The following ZEB1 variants were observed in gnomAD, a reference collection of about 807,000 sequenced individuals.
ZEB1 encodes zinc finger E-box-binding homeobox 1.
In ZEB1, 21 loss-of-function variants were observed where a neutral mutation model predicts 84.9. The ratio of observed to expected loss-of-function variants is 0.25; its 90% CI spans 0.18 to 0.36. The LOEUF (loss-of-function observed/expected upper bound fraction) is 0.36, where lower values mean the gene tolerates loss of function less well. ZEB1 is among the 10% of genes least tolerant of loss of function. ZEB1 has a pLI of 1.00. For synonymous variants in ZEB1, 420 were observed against 471.1 expected, an observed-to-expected ratio of 0.89 and a Z score of 1.41; for missense variants, 1,104 against 1,330.2, an observed-to-expected ratio of 0.83 and a Z score of 2.65.
rs535694663 is a variant in ZEB1, at chr10:31,421,110, G to A, written c.59-39927G>A. Among the ~76,000 whole-genome samples, 16 of 152,242 alleles carry A rather than the reference G, an allele frequency of 1.1e-4. No homozygotes were observed. The South Asian group carries it at 2.9e-3, about 28-fold the overall frequency. On this transcript the variant is annotated intron_variant, in intron 1 of 8. Transcript: ENST00000424869. The stretch of plus-strand genomic sequence containing the variant: ...CTGCCTTGTACCAATTTAGGGAGAA[G>A]CCTAGGGGAGAGTGACTGATTTTAG...
At chr10:31,453,016 A>G (rs1001732865) in intron 1 of ZEB1, among the ~76,000 whole-genome samples, 7 of 152,034 alleles carry the variant, frequency 4.6e-5, no homozygotes, top group African/African-American at 1.7e-4. Context: ...TGCTTATCTG[A>G]TATATGTGGA....
chr10:31,320,402 A>T (rs550373794), intron 1 of ZEB1: 7 of 149,140 alleles, frequency 4.7e-5, no homozygotes, highest in African/African-American at 1.7e-4. Context: ...GTTTTTGGGG[A>T]AGTTGTTACC....
chr10:31,373,880 G>C (rs1192383844), intron 1 of ZEB1, among the ~76,000 whole-genome samples: 1 of 151,180 alleles, frequency 6.6e-6, no homozygotes, highest in Non-Finnish European at 1.5e-5. Flanking sequence ...TCTAAATTTG[G>C]TTACATTTTC....
In ZEB1 at chr10:31,427,084, TA is replaced by T. The variant is rs1025221879; in HGVS notation, c.59-33943del. ...TCTTTACAAGATATCAAAATATGTT[TA>T]AAAAAAAAACCCGGATGCATATAGG... On this transcript the variant is annotated intron_variant, in intron 1 of 8. Coordinates refer to ENST00000424869, the MANE Select transcript of ZEB1 (RefSeq NM_001174096.2). 2.4e-3 allele frequency among the ~76,000 whole-genome samples: 350 copies of T among 148,454 alleles called. 1 individual carries two copies. Among genetic ancestry groups the T allele is most frequent in the African/African-American group, 8.1e-3 (328 of 40,506 alleles).
intron 5 of ZEB1, among the ~76,000 whole-genome samples, chr10:31,511,342 C>T (rs115807890): frequency 0.011 from 1,607 of 152,086 alleles, 25 homozygotes; most frequent in African/African-American, 0.037. Flanking sequence ...TTTTTTCCCC[C>T]GTAGTAAAGG....
At position 31,361,812 on chromosome 10, in the gene ZEB1, A is replaced by G. The variant is rs564659772; in HGVS notation, c.58+42520A>G. 2.7e-5 allele frequency among the ~76,000 whole-genome samples: 4 copies of G among 150,806 alleles called. No individual in the cohort carries two copies. In the East Asian group the frequency reaches 7.9e-4, roughly 30 times the overall value. ...TTCACAGACAGGACGGCAGCAGGGC[A>G]GAGGCGCTCCTCATTTCCCAGACGG... is the stretch of plus-strand genomic sequence containing the variant. On this transcript the variant is annotated intron_variant, in intron 1 of 8. Transcript: ENST00000424869.
intron 1 of ZEB1, among the ~76,000 whole-genome samples, chr10:31,330,290 A>T (rs182794618): frequency 6.6e-6 from 1 of 152,212 alleles, no homozygotes; most frequent in Non-Finnish European, 1.5e-5. Flanking sequence ...GCTCAGGATT[A>T]TAGAGGAACA....
At chr10:31,461,366 G>A (rs963285735) in intron 2 of ZEB1, 129 bp downstream of exon 2, 60 of 948,348 alleles carry the variant, frequency 6.3e-5, no homozygotes, top group Non-Finnish European at 4.8e-6. Flanking sequence ...TAAATATTAG[G>A]TGTCCTACTT....
At chr10:31,498,017 A>G (rs1302416720) in intron 3 of ZEB1, among the ~76,000 whole-genome samples, 2 of 151,990 alleles carry the variant, frequency 1.3e-5, no homozygotes, top group African/African-American at 2.4e-5. Flanking sequence ...GCTCTCTCAA[A>G]TACATGTATA....
At chr10:31,421,185 C>T (rs2056102813) in intron 1 of ZEB1, among the ~76,000 whole-genome samples, 1 of 152,016 alleles carries the variant, frequency 6.6e-6, no homozygotes, top group Admixed American at 6.6e-5. Flanking sequence ...TTGGGAGAAC[C>T]TTACTTAGAT....
intron 1 of ZEB1, among the ~76,000 whole-genome samples, chr10:31,334,578 ATAAT>A (rs2037599548): frequency 6.6e-6 from 1 of 152,144 alleles, no homozygotes; most frequent in African/African-American, 2.4e-5. Flanking sequence ...TAACAGGGGA[ATAAT>A]TAATGAACTA....
intron 2 of ZEB1, among the ~76,000 whole-genome samples, chr10:31,482,821 TATA>T (rs923724593): frequency 1.3e-5 from 2 of 152,008 alleles, no homozygotes; most frequent in Non-Finnish European, 2.9e-5. Flanking sequence ...AATATTGGAA[TATA>T]ATAATAATTC....
chr10:31,511,091 A>G (rs1463122571), intron 5 of ZEB1, among the ~76,000 whole-genome samples: 1 of 152,254 alleles, frequency 6.6e-6, no homozygotes, highest in Admixed American at 6.5e-5. Context: ...GAGGTAACTC[A>G]GTATTTTGTT....
upstream of ZEB1, chr10:31,318,898 T>A: frequency 2.6e-6 from 1 of 388,564 alleles, no homozygotes; most frequent in Non-Finnish European, 5.0e-6. Context: ...AACTTTACCT[T>A]TCCAACTCCG....
chr10:31,366,302 A>G (rs553532511), intron 1 of ZEB1, among the ~76,000 whole-genome samples: 190 of 152,252 alleles, frequency 1.2e-3, no homozygotes, highest in African/African-American at 4.3e-3. Flanking sequence ...CTCACTGCCA[A>G]TTAATTAATT....
At chr10:31,388,736 T>A (rs570204875) in intron 1 of ZEB1, among the ~76,000 whole-genome samples, 120 of 152,218 alleles carry the variant, frequency 7.9e-4, no homozygotes, top group African/African-American at 2.7e-3. Flanking sequence ...CAGTTTTTTT[T>A]AATTTTTATT....
chr10:31,420,072 G>A (rs1298991606), intron 1 of ZEB1, among the ~76,000 whole-genome samples: 1 of 151,910 alleles, frequency 6.6e-6, no homozygotes, highest in East Asian at 1.9e-4. Flanking sequence ...TTTCTACTTC[G>A]ATGACCTTTG....
chr10:31,506,343 G>A (rs891173130), intron 4 of ZEB1, among the ~76,000 whole-genome samples: 1 of 151,942 alleles, frequency 6.6e-6, no homozygotes, highest in African/African-American at 2.4e-5. Flanking sequence ...TACATGATCT[G>A]TCTAATGCTG....
intron 2 of ZEB1, among the ~76,000 whole-genome samples, chr10:31,462,722 T>C (rs2061953866): frequency 6.6e-6 from 1 of 152,166 alleles, no homozygotes; most frequent in Admixed American, 6.5e-5. Flanking sequence ...ATTTGAACCT[T>C]ATCATGGAAG....
Sources: gnomAD v4.1 joint callset for allele counts (sites outside exome capture counted in the v4.1 genomes callset) on GRCh38, gnomAD v4.1.1 for gene constraint, MANE v1.5 for transcripts, NCBI Gene and HGNC (gene_info 2026-07-23, HGNC 2026-07-21) for gene names.